The following DLGAP2 variants were observed in gnomAD, a reference collection of about 807,000 sequenced individuals.
The protein encoded by DLGAP2 is disks large-associated protein 2.
Under a neutral mutation model 100.3 loss-of-function variants are expected in DLGAP2, and 26 were observed. That is an observed-to-expected ratio of 0.26 (90% CI 0.19 to 0.36). The LOEUF is 0.36. Among genes scored for constraint, DLGAP2 ranks in the 10% least tolerant of loss-of-function variants. DLGAP2 has a pLI of 1.00. For missense variants in DLGAP2, 1,858 were observed against 1,453.2 expected (o/e 1.28, Z -4.53); for synonymous variants, 886 against 630.1 (o/e 1.41, Z -6.08).
intron 8 of DLGAP2, among the ~76,000 whole-genome samples, chr8:1,647,888 C>T (rs577861897): frequency 6.6e-6 from 1 of 152,278 alleles, no homozygotes; most frequent in East Asian, 1.9e-4. Context: ...CAGCTTTTCC[C>T]TGCGTCCTCA....
In DLGAP2 at chr8:1,422,748, G is replaced by T. The variant is rs568485796; in HGVS notation, c.107-78618G>T. Among the ~76,000 whole-genome samples the T allele has an allele frequency of 1.2e-4, 19 of 152,202 alleles. No individual in the cohort carries two copies. In the South Asian group the frequency reaches 1.5e-3, roughly 12 times the overall value. ...AACATGCTGAGACCAGCCAGGATTG[G>T]GGGTGGGGGAATGTGTCCTTTCGTT... On this transcript the variant is annotated intron_variant, in intron 3 of 14. Coordinates refer to ENST00000637795, the MANE Select transcript of DLGAP2 (RefSeq NM_001346810.2).
At chr8:1,473,242 A>G (rs1798847462) in intron 3 of DLGAP2, among the ~76,000 whole-genome samples, 1 of 152,188 alleles carries the variant, frequency 6.6e-6, no homozygotes, top group Admixed American at 6.5e-5. Flanking sequence ...ACAAATGATT[A>G]TATCGGCTTT....
At chr8:1,631,996 G>A (rs1429674907) in intron 7 of DLGAP2, among the ~76,000 whole-genome samples, 1 of 152,012 alleles carries the variant, frequency 6.6e-6, no homozygotes, top group African/African-American at 2.4e-5. Context: ...AGGGGGTTCA[G>A]AAAGCTGTTG....
chr8:829,922 G>A (rs1796750648), intron 1 of DLGAP2, among the ~76,000 whole-genome samples: 1 of 152,156 alleles, frequency 6.6e-6, no homozygotes, highest in Admixed American at 6.5e-5. Context: ...CCAGTCTCTT[G>A]TTATTGACAA....
chr8:1,459,204 C>T (rs1286444204), intron 3 of DLGAP2, among the ~76,000 whole-genome samples: 40 of 149,384 alleles, frequency 2.7e-4, no homozygotes, highest in Non-Finnish European at 4.6e-4. Flanking sequence ...TGCGTAGACC[C>T]CAGGGGTCAC....
intron 2 of DLGAP2, among the ~76,000 whole-genome samples, chr8:1,254,765 TG>T (rs201864758): frequency 6.6e-6 from 1 of 152,264 alleles, no homozygotes; most frequent in East Asian, 1.9e-4. Flanking sequence ...TGTGCAGAGT[TG>T]TTGACTTTTG....
At chr8:1,367,123 C>T (rs757061951) in intron 3 of DLGAP2, among the ~76,000 whole-genome samples, 6 of 152,208 alleles carry the variant, frequency 3.9e-5, no homozygotes, top group Non-Finnish European at 4.4e-5. Flanking sequence ...CCACAGACCC[C>T]GGTGACTATA....
chr8:1,200,501 G>T (rs367581979), intron 2 of DLGAP2, among the ~76,000 whole-genome samples: 1 of 152,148 alleles, frequency 6.6e-6, no homozygotes, highest in Non-Finnish European at 1.5e-5. Context: ...GCTCCTCGGG[G>T]GCTGAAGGGC....
chr8:1,233,032 T>A (rs1798570181), intron 2 of DLGAP2, among the ~76,000 whole-genome samples: 1 of 152,222 alleles, frequency 6.6e-6, no homozygotes, highest in South Asian at 2.1e-4. Context: ...CATCTGGCAT[T>A]GGCGGAATTT....
intron 6 of DLGAP2, among the ~76,000 whole-genome samples, chr8:1,574,249 T>C (rs1260366327): frequency 6.6e-6 from 1 of 152,084 alleles, no homozygotes; most frequent in Non-Finnish European, 1.5e-5. Context: ...CACCAGATTT[T>C]AGTGTATGGG....
At chr8:1,210,886 C>G (rs1354688566) in intron 2 of DLGAP2, among the ~76,000 whole-genome samples, 6 of 152,216 alleles carry the variant, frequency 3.9e-5, no homozygotes, top group Admixed American at 6.5e-5. Flanking sequence ...CTCTGCCAGT[C>G]TGGGCAGCAA....
In DLGAP2 at chr8:1,376,704, A is replaced by G. The variant is rs62484185; in HGVS notation, c.106+117821A>G. Among the ~76,000 whole-genome samples, 134 of 65,968 alleles carry G rather than the reference A, an allele frequency of 2.0e-3. 3 individuals carry two copies. In the East Asian group the frequency reaches 0.046, roughly 23 times the overall value. The allele number at this position is 65,968 out of a possible 152,430, so 43.3% of individuals were successfully genotyped here. A position where few individuals can be genotyped will look rare whatever the true frequency, so the allele number is the denominator to read the frequency against. On this transcript the variant is annotated intron_variant, in intron 3 of 14. Transcript: ENST00000637795. ...ATCGGCGGATGGCGGGGACAGGGCT[A>G]CCGAGACCCTCAACCTGAGCCCGGT...
chr8:1,653,137 T>C lies in DLGAP2; in HGVS notation c.1811-15192T>C, dbSNP rs1798204787. 1.3e-5 allele frequency among the ~76,000 whole-genome samples: 2 copies of C among 152,164 alleles called. 1 individual carries two copies. Reference sequence around the variant, plus strand: ...GCCCAGTTGCTGCCAGGCCTGGAGATACTGTGGCATCGCGTTGGTTCTTAG... The same window carrying C: ...GCCCAGTTGCTGCCAGGCCTGGAGACACTGTGGCATCGCGTTGGTTCTTAG... On this transcript the variant is annotated intron_variant, in intron 8 of 14. Transcript: ENST00000637795.
chr8:1,433,257 A>G (rs1305156394), intron 3 of DLGAP2, among the ~76,000 whole-genome samples: 1 of 152,208 alleles, frequency 6.6e-6, no homozygotes, highest in Non-Finnish European at 1.5e-5. Context: ...CTCTGGCAAC[A>G]GAACCCATCC....
intron 5 of DLGAP2, among the ~76,000 whole-genome samples, chr8:1,555,486 C>T (rs1029613422): frequency 2.6e-5 from 4 of 152,204 alleles, no homozygotes; most frequent in African/African-American, 9.7e-5. Flanking sequence ...CCCCCGGCCC[C>T]GACTGCCACA....
chr8:1,389,191 G>C lies in DLGAP2; in HGVS notation c.107-112175G>C, dbSNP rs140210739. ...GGCCTCTTCATGACGGGAGGCACGT[G>C]GACCTCTTTATGGGAAATGCCATAA... On this transcript the variant is annotated intron_variant, in intron 3 of 14. Coordinates refer to ENST00000637795, the MANE Select transcript of DLGAP2 (RefSeq NM_001346810.2). 1.1e-3 allele frequency among the ~76,000 whole-genome samples: 167 copies of C among 152,246 alleles called. 3 individuals are homozygous for C. The highest frequency in any genetic ancestry group is 3.5e-3 in the African/African-American group (144 of 41,530).
chr8:1,087,979 AT>A (rs1804032455), intron 2 of DLGAP2, among the ~76,000 whole-genome samples: 3 of 152,130 alleles, frequency 2.0e-5, no homozygotes, highest in Admixed American at 6.5e-5. Context: ...TGGCCTCCTT[AT>A]CCATCCTGGA....
intron 3 of DLGAP2, chr8:1,262,586 G>A (rs756111740): frequency 6.6e-6 from 1 of 152,134 alleles, no homozygotes; most frequent in African/African-American, 2.4e-5. Flanking sequence ...AACAATCTCA[G>A]TTGTCATAAT....
At chr8:812,179 G>C (rs187666479) in intron 1 of DLGAP2, among the ~76,000 whole-genome samples, 346 of 152,332 alleles carry the variant, frequency 2.3e-3, no homozygotes, top group African/African-American at 7.8e-3. Flanking sequence ...GAAATCTGCA[G>C]GGTGGGCCAG....
Sources: allele counts gnomAD v4.1 joint callset (sites outside exome capture counted in the v4.1 genomes callset), GRCh38; gene constraint gnomAD v4.1.1; transcripts MANE v1.5; gene names NCBI Gene and HGNC (gene_info 2026-07-23, HGNC 2026-07-21).